Variants in SPON2 observed in about 807,000 individuals in gnomAD.
SPON2 encodes the protein spondin 2, also known as spondin-2.
SPON2 carries 32 observed loss-of-function variants against 29.9 expected under a neutral mutation model. That is an observed-to-expected ratio of 1.07 (90% confidence interval 0.81 to 1.44). SPON2 has a LOEUF of 1.44. Among genes scored for constraint, SPON2 ranks in the 40% most tolerant of loss-of-function variants. The pLI is 0.00. For missense variants in SPON2, 541 were observed against 455.5 expected (o/e 1.19, Z -1.71); for synonymous variants, 248 against 209.1 (o/e 1.19, Z -1.61).
upstream of SPON2, among the ~76,000 whole-genome samples, chr4:1,197,446 C>T (rs749954805): frequency 4.6e-5 from 7 of 152,270 alleles, no homozygotes; most frequent in East Asian, 5.8e-4. Flanking sequence ...TAAATCTGAA[C>T]GTGCACTCTC....
At chr4:1,203,172 A>C (rs1015333611) in intron 1 of SPON2, among the ~76,000 whole-genome samples, 14 of 152,146 alleles carry the variant, frequency 9.2e-5, no homozygotes, top group African/African-American at 2.9e-4. Context: ...TACAGGAAAT[A>C]AATTTCTGTT....
Position 1,167,386 on chromosome 4 carries a change from C to A in SPON2, c.*86G>T, listed in dbSNP as rs1227943325. 4 of 1,404,512 alleles carry A rather than the reference C, an allele frequency of 2.8e-6. No individual in the cohort carries two copies. The highest frequency in any genetic ancestry group is 2.9e-5 in the African/African-American group (2 of 69,756). 87.0% of individuals were successfully genotyped at this position (1,404,512 alleles called of 1,614,324 possible). A position where few individuals can be genotyped will look rare whatever the true frequency, so the allele number is the denominator to read the frequency against. Reference sequence around the variant, plus strand: ...AGGAGCAGCGCGAAACCCCCTGTGCCCTCGGCCGCCTGCAGCATGAGCCTG... The same window carrying A: ...AGGAGCAGCGCGAAACCCCCTGTGCACTCGGCCGCCTGCAGCATGAGCCTG... On this transcript the variant is annotated 3_prime_UTR_variant, in exon 6 of 6. Coordinates refer to ENST00000290902, the MANE Select transcript of SPON2 (RefSeq NM_012445.4).
chr4:1,173,877 T>C (rs1727535716), upstream of SPON2, among the ~76,000 whole-genome samples: 1 of 152,212 alleles, frequency 6.6e-6, no homozygotes, highest in African/African-American at 2.4e-5. Context: ...TTCTCAAATG[T>C]TTTTATCTGA....
chr4:1,171,162 C>G lies in SPON2; in HGVS notation c.473G>C (p.Ser158Thr), dbSNP rs1466103888. ...GTCCACGCCCACGAACCAGTCGGGG[C>G]TGGGCACGATGCGCACCACAAACGA... ...LVSFVVRIVP[S>T]PDWFVGVDSL... The change falls in exon 4 of 6, where the codon AGC (serine) becomes ACC (threonine). Residue 158 changes from serine (S) to threonine (T), a missense_variant. Transcript: ENST00000290902. 1 of 1,550,374 alleles carries G rather than the reference C, an allele frequency of 6.5e-7. No homozygotes were observed.
At chr4:1,190,542 T>C (rs531080210) in intron 1 of SPON2, among the ~76,000 whole-genome samples, 6 of 152,148 alleles carry the variant, frequency 3.9e-5, no homozygotes, top group African/African-American at 9.7e-5. Context: ...TTCAACAAAA[T>C]ACCAGTAAAC....
chr4:1,189,988 TCAAAA>T (rs1340423948), intron 1 of SPON2, among the ~76,000 whole-genome samples: 2 of 113,784 alleles, frequency 1.8e-5, no homozygotes, highest in Non-Finnish European at 1.8e-5. Flanking sequence ...AGACTCCATC[TCAAAA>T]AAAAAAAAAA....
intron 1 of SPON2, among the ~76,000 whole-genome samples, chr4:1,189,708 G>T (rs1727870097): frequency 6.7e-6 from 1 of 150,284 alleles, no homozygotes; most frequent in South Asian, 2.1e-4. Context: ...TTTTTGGAAG[G>T]CCAGGTGCGG....
chr4:1,194,736 T>C (rs1027535666), intron 1 of SPON2, among the ~76,000 whole-genome samples: 10 of 151,984 alleles, frequency 6.6e-5, no homozygotes, highest in African/African-American at 2.4e-4. Context: ...GGGGGGAATG[T>C]GGGTCAGCGT....
intron 1 of SPON2, among the ~76,000 whole-genome samples, chr4:1,206,153 C>T (rs895649304): frequency 2.0e-5 from 3 of 152,192 alleles, no homozygotes; most frequent in Non-Finnish European, 4.4e-5. Flanking sequence ...CAAGGCTGAC[C>T]CGGGGCCATG....
intron 1 of SPON2, among the ~76,000 whole-genome samples, chr4:1,186,032 CA>C (rs1156268187): frequency 1.3e-5 from 2 of 150,832 alleles, no homozygotes; most frequent in Non-Finnish European, 3.0e-5. Context: ...ATCACGAGGT[CA>C]GGAGATCGAG....
intron 1 of SPON2, 160 bp downstream of exon 1, chr4:1,172,384 G>A (rs1727488073): frequency 2.0e-6 from 1 of 497,086 alleles, no homozygotes; most frequent in Admixed American, 3.5e-5. Flanking sequence ...GCAGGGACCC[G>A]GGGCCTTGGC....
At chr4:1,169,132 C>T (rs1398120669) in intron 5 of SPON2, among the ~76,000 whole-genome samples, 1 of 151,912 alleles carries the variant, frequency 6.6e-6, no homozygotes, top group Non-Finnish European at 1.5e-5. Context: ...CTGACTTTAT[C>T]CCTCTCCTAG....
chr4:1,205,868 G>A (rs1728327536), intron 1 of SPON2, among the ~76,000 whole-genome samples: 1 of 152,186 alleles, frequency 6.6e-6, no homozygotes, highest in Admixed American at 6.5e-5. Flanking sequence ...GAAAGGTCCA[G>A]GAGGGGCCTC....
upstream of SPON2, chr4:1,172,905 TCCCCTCCTCCC>T (rs1560203148): frequency 7.9e-5 from 1 of 12,610 alleles, no homozygotes; most frequent in African/African-American, 3.5e-4. Context: ...CCTCCTCCCC[TCCCCTCCTCCC>T]CTCCCCTCCT....
intron 5 of SPON2, among the ~76,000 whole-genome samples, chr4:1,168,631 C>G (rs1727323480): frequency 6.6e-6 from 1 of 152,214 alleles, no homozygotes; most frequent in Non-Finnish European, 1.5e-5. Flanking sequence ...CTGGGGAGCA[C>G]ACAGAGCTGC....
Position 1,171,161 on chromosome 4 carries a change from G to T in SPON2, c.474C>A (p.Ser158Arg), listed in dbSNP as rs199633664. The T allele has an allele frequency of 6.4e-7, 1 of 1,550,528 alleles. No homozygotes were observed. Among genetic ancestry groups the T allele is most frequent in the Non-Finnish European group, 8.7e-7 (1 of 1,148,770 alleles). ...LVSFVVRIVP[S>R]PDWFVGVDSL... Reference sequence around the variant, plus strand: ...TGTCCACGCCCACGAACCAGTCGGGGCTGGGCACGATGCGCACCACAAACG... The same window carrying T: ...TGTCCACGCCCACGAACCAGTCGGGTCTGGGCACGATGCGCACCACAAACG... Residue 158 changes from serine (S) to arginine (R), a missense_variant, in exon 4 of 6, where the codon AGC becomes AGA. Transcript: ENST00000290902.
At chr4:1,176,176 C>T (rs1028279823), upstream of SPON2, among the ~76,000 whole-genome samples, 1 of 152,056 alleles carries the variant, frequency 6.6e-6, no homozygotes, top group African/African-American at 2.4e-5. Context: ...ACTCCATGCT[C>T]TCAGAGTCTT....
chr4:1,170,303 T>C, intron 5 of SPON2, 99 bp downstream of exon 5: 1 of 1,200,238 alleles, frequency 8.3e-7, no homozygotes, highest in Non-Finnish European at 1.2e-6. Context: ...TACGAATCCC[T>C]ACTTGGAATT....
In SPON2 at chr4:1,202,020, G is replaced by C. The variant is rs1178923460; in HGVS notation, c.-234+5860C>G. ...CAGTGGTTTTTAGCATGTTCACGAA[G>C]TTGTGCAACCATCCCCACTCATCTC... On this transcript the variant is annotated intron_variant, in intron 1 of 3. Coordinates refer to the SPON2 transcript ENST00000509233. The surrounding 1 kb of genome is among the most constrained non-coding windows in gnomAD (Gnocchi z 5.4). Among the ~76,000 whole-genome samples, 2 of 152,218 alleles carry C rather than the reference G, an allele frequency of 1.3e-5. No individual in the cohort carries two copies. The highest frequency in any genetic ancestry group is 3.8e-4 in the East Asian group (2 of 5,198).
Sources: allele counts gnomAD v4.1 joint callset (sites outside exome capture counted in the v4.1 genomes callset), GRCh38; gene constraint gnomAD v4.1.1; non-coding constraint Gnocchi (gnomAD v3.1); transcripts MANE v1.5; gene names NCBI Gene and HGNC (gene_info 2026-07-23, HGNC 2026-07-21).